The following HIVEP3 variants were observed in gnomAD, a reference collection of about 807,000 sequenced individuals.
The protein encoded by HIVEP3 is transcription factor HIVEP3.
HIVEP3 carries 49 observed loss-of-function variants against 152.8 expected under a neutral mutation model. The ratio of observed to expected loss-of-function variants is 0.32; its 90% CI spans 0.26 to 0.41. The LOEUF (loss-of-function observed/expected upper bound fraction) is 0.41. Among genes scored for constraint, HIVEP3 ranks in the 10% least tolerant of loss-of-function variants. The pLI is 1.00. For synonymous variants in HIVEP3, 1,269 were observed against 1,289.0 expected (o/e 0.98, Z 0.33); for missense variants, 2,790 against 3,103.3 (o/e 0.90, Z 2.40).
chr1:41,671,919 T>C (rs1018066083), intron 2 of HIVEP3, among the ~76,000 whole-genome samples: 4 of 152,076 alleles, frequency 2.6e-5, no homozygotes, highest in Admixed American at 1.3e-4. Flanking sequence ...GAAAAGAATA[T>C]GAAAGTTGGA....
In HIVEP3 at chr1:41,510,799, C is replaced by A; in HGVS notation, c.6873G>T (p.Trp2291Cys). 4 of 1,611,290 alleles carry A rather than the reference C, an allele frequency of 2.5e-6. No homozygotes were observed. The highest frequency in any genetic ancestry group is 3.4e-6 in the Non-Finnish European group (4 of 1,179,268). ...CAGGTGCCCCGGTCCCATGGGGTGT[C>A]CAGTCAGGAGGCCTGCCCGGGCCTC... ...TGGGPGRPPDWTPHGTGAPAE... is the reference protein window; with the variant it reads ...TGGGPGRPPDCTPHGTGAPAE... The change falls in exon 9 of 9, where the codon TGG becomes TGT. Residue 2291 changes from tryptophan (W) to cysteine (C), a missense_variant. Around this residue, in one of 9 missense-constraint regions of HIVEP3, gnomAD observed 816 missense variants for 806.5 expected, o/e 1.01. Coordinates refer to ENST00000372583, the MANE Select transcript of HIVEP3 (RefSeq NM_024503.5).
chr1:41,777,270 A>G (rs349429), intron 1 of HIVEP3, among the ~76,000 whole-genome samples: 93,991 of 152,110 alleles, frequency 0.62, 29,987 homozygotes, highest in African/African-American at 0.78. Context: ...CCCCGTGACT[A>G]CCCAGGAACA....
At chr1:41,696,719 A>G (rs1646282766) in intron 2 of HIVEP3, among the ~76,000 whole-genome samples, 1 of 152,214 alleles carries the variant, frequency 6.6e-6, no homozygotes, top group African/African-American at 2.4e-5. Context: ...AGCTTGAGTT[A>G]AAAAATAGAA....
intron 1 of HIVEP3, among the ~76,000 whole-genome samples, chr1:41,902,697 G>A (rs1372445042): frequency 1.3e-5 from 2 of 152,202 alleles, no homozygotes; most frequent in Non-Finnish European, 2.9e-5. Context: ...TGAGCAGAGC[G>A]CCGGCAATGT....
At chr1:41,538,705 A>C (rs964691846) in intron 5 of HIVEP3, among the ~76,000 whole-genome samples, 7 of 152,220 alleles carry the variant, frequency 4.6e-5, no homozygotes, top group Admixed American at 1.3e-4. Context: ...GCAGGCACCA[A>C]GCCTGGGCTG....
At chr1:41,882,293 G>A (rs1380067376) in intron 1 of HIVEP3, among the ~76,000 whole-genome samples, 2 of 152,180 alleles carry the variant, frequency 1.3e-5, no homozygotes, top group Admixed American at 6.5e-5. Flanking sequence ...GAAAAGGATC[G>A]TAAAGACTGC....
intron 1 of HIVEP3, among the ~76,000 whole-genome samples, chr1:41,778,245 A>G (rs1409455176): frequency 6.6e-6 from 1 of 152,214 alleles, no homozygotes; most frequent in Non-Finnish European, 1.5e-5. Flanking sequence ...CCAGCAGTAC[A>G]AGGTACCTCC....
chr1:41,808,354 C>T (rs1213929573), intron 1 of HIVEP3, among the ~76,000 whole-genome samples: 1 of 152,266 alleles, frequency 6.6e-6, no homozygotes, highest in African/African-American at 2.4e-5. Context: ...GCAGGCATCT[C>T]CAGAGCAGGG....
chr1:41,782,656 G>A (rs1048035790), intron 1 of HIVEP3, among the ~76,000 whole-genome samples: 2 of 151,390 alleles, frequency 1.3e-5, no homozygotes, highest in Non-Finnish European at 2.9e-5. Flanking sequence ...CACTTGAACC[G>A]GGGAGGTGGA....
chr1:41,834,637 T>C (rs1643069184), intron 1 of HIVEP3, among the ~76,000 whole-genome samples: 1 of 152,292 alleles, frequency 6.6e-6, no homozygotes, highest in Non-Finnish European at 1.5e-5. Context: ...CCAGTATTTA[T>C]TGAGCACCTA....
chr1:41,952,774 GA>G (rs997635445), intron 1 of HIVEP3, among the ~76,000 whole-genome samples: 30 of 152,186 alleles, frequency 2.0e-4, no homozygotes, highest in Admixed American at 1.5e-3. Context: ...TAACAAAAGG[GA>G]AAAAATCCTA....
chr1:41,614,664 T>C (rs1028848150), intron 3 of HIVEP3, among the ~76,000 whole-genome samples: 5 of 152,132 alleles, frequency 3.3e-5, no homozygotes, highest in African/African-American at 1.2e-4. Context: ...AAATTTAAAA[T>C]GAAAAATCAA....
intron 3 of HIVEP3, among the ~76,000 whole-genome samples, chr1:41,588,073 G>A (rs1246526766): frequency 6.6e-6 from 1 of 152,186 alleles, no homozygotes; most frequent in Non-Finnish European, 1.5e-5. Flanking sequence ...CTTACCCCAG[G>A]TCTTGCTTAC....
intron 1 of HIVEP3, among the ~76,000 whole-genome samples, chr1:41,946,685 A>T (rs1160648415): frequency 6.6e-6 from 1 of 152,162 alleles, no homozygotes; most frequent in Non-Finnish European, 1.5e-5. Context: ...TTAATCCTGA[A>T]GTCTGGGCAA....
At chr1:41,834,199 G>C (rs894209299) in intron 1 of HIVEP3, among the ~76,000 whole-genome samples, 1 of 152,198 alleles carries the variant, frequency 6.6e-6, no homozygotes, top group Admixed American at 6.5e-5. Flanking sequence ...TTTGGGGACA[G>C]GAGGGGTGAT....
chr1:41,622,174 G>T (rs766868199), intron 3 of HIVEP3, among the ~76,000 whole-genome samples: 1 of 152,178 alleles, frequency 6.6e-6, no homozygotes, highest in Admixed American at 6.5e-5. Flanking sequence ...GAGGAAGGCC[G>T]AATCCCTGCC....
intron 1 of HIVEP3, among the ~76,000 whole-genome samples, chr1:41,733,512 C>A (rs1646872727): frequency 6.6e-6 from 1 of 152,242 alleles, no homozygotes; most frequent in Non-Finnish European, 1.5e-5. Context: ...CGGCCAGGAG[C>A]CGAGACCCTC....
chr1:41,741,740 T>C lies in HIVEP3; in HGVS notation c.-800-40745A>G, dbSNP rs1041939304. Among the ~76,000 whole-genome samples, 60 of 152,248 alleles carry C rather than the reference T, an allele frequency of 3.9e-4. 3 individuals are homozygous for C. Among genetic ancestry groups the C allele is most frequent in the Non-Finnish European group, 5.9e-5 (4 of 68,052 alleles). ...TGGAAACGAACAGCCTGAATTTTCA[T>C]TTCTGGCTCAACCACTGATTGTGTG... On this transcript the variant is annotated intron_variant, in intron 1 of 8. Transcript: ENST00000372583.
intron 2 of HIVEP3, among the ~76,000 whole-genome samples, chr1:41,637,538 G>A (rs903939796): frequency 5.9e-5 from 9 of 152,150 alleles, no homozygotes; most frequent in African/African-American, 1.4e-4. Context: ...CTGACCAAGC[G>A]GTGAACCTTG....
Sources: gnomAD v4.1 joint callset for allele counts (sites outside exome capture counted in the v4.1 genomes callset) on GRCh38, gnomAD v4.1.1 for gene constraint, gnomAD v4.1.1 regional missense constraint, MANE v1.5 for transcripts, NCBI Gene and HGNC (gene_info 2026-07-23, HGNC 2026-07-21) for gene names.